TMEM245: variants seen among roughly 807,000 people sequenced by gnomAD.
The protein encoded by TMEM245 is transmembrane protein 245.
A neutral mutation model predicts 101.2 loss-of-function variants in TMEM245; 69 were observed. The ratio of observed to expected loss-of-function variants is 0.68; its 90% confidence interval spans 0.56 to 0.83. The LOEUF (loss-of-function observed/expected upper bound fraction) is 0.83. Among genes scored for constraint, TMEM245 ranks in the 40% least tolerant of loss-of-function variants. The probability of loss-of-function intolerance (pLI) is 0.00; values close to 1 mark genes in which losing one functional copy is unlikely to be tolerated. For synonymous variants in TMEM245, 537 were observed against 449.8 expected, an observed-to-expected ratio of 1.19 and a Z score of -2.45; for missense variants, 1,075 against 1,092.8, an observed-to-expected ratio of 0.98 and a Z score of 0.23.
At chr9:109,102,660 C>G (rs1222890952) in intron 3 of TMEM245, among the ~76,000 whole-genome samples, 1 of 152,206 alleles carries the variant, frequency 6.6e-6, no homozygotes, top group African/African-American at 2.4e-5. Context: ...TATTAGTTAA[C>G]ATTTTGGTAT....
In TMEM245 at chr9:109,019,110, A is replaced by G. The variant is rs528558590; in HGVS notation, c.*1350T>C. The stretch of plus-strand genomic sequence containing the variant: ...AGAGGATAGGCCTGATGATTGTTTT[A>G]AACAGTAGAAAGGGTTCAGCTAAGA... On this transcript the variant is annotated 3_prime_UTR_variant, in exon 18 of 18. Coordinates refer to ENST00000374586, the MANE Select transcript of TMEM245 (RefSeq NM_032012.4). The G allele has an allele frequency of 2.2e-4, 33 of 152,094 alleles. No homozygotes were observed. Among genetic ancestry groups the G allele is most frequent in the African/African-American group, 8.0e-4 (33 of 41,452 alleles). 9.4% of individuals were successfully genotyped at this position (152,094 alleles called of 1,614,324 possible).
chr9:109,078,333 T>C (rs1829575780), intron 8 of TMEM245, among the ~76,000 whole-genome samples: 1 of 152,210 alleles, frequency 6.6e-6, no homozygotes, highest in South Asian at 2.1e-4. Flanking sequence ...ATAACCCACA[T>C]ATTTTCCAAG....
rs1260667371 is a variant in TMEM245, at chr9:109,080,949, C to T, written c.1345-6G>A. ...TTCTCCAACCAGATGATCATCTGCA[C>T]AAAAACGAAAAAGAGAATTACTTAT... is the stretch of plus-strand genomic sequence containing the variant. On this transcript the variant is annotated splice_polypyrimidine_tract_variant and splice_region_variant and intron_variant, in intron 7 of 17. Transcript: ENST00000374586. The T allele has an allele frequency of 1.3e-6, 2 of 1,540,258 alleles. No individual in the cohort carries two copies. The highest frequency in any genetic ancestry group is 1.8e-6 in the Non-Finnish European group (2 of 1,123,052).
intron 9 of TMEM245, among the ~76,000 whole-genome samples, chr9:109,066,479 T>A (rs1322768646): frequency 1.4e-3 from 109 of 78,532 alleles, no homozygotes; most frequent in South Asian, 7.8e-3. Context: ...AAAAAAAAAA[T>A]TTCTCAGCAA....
At chr9:109,021,194 T>C (rs1438299862) in intron 17 of TMEM245, among the ~76,000 whole-genome samples, 1 of 152,194 alleles carries the variant, frequency 6.6e-6, no homozygotes, top group East Asian at 1.9e-4. Flanking sequence ...TGCTACATAA[T>C]TTACATGTCT....
At chr9:109,078,515 ACT>A (rs1425380471) in intron 8 of TMEM245, among the ~76,000 whole-genome samples, 1 of 152,234 alleles carries the variant, frequency 6.6e-6, no homozygotes, top group Non-Finnish European at 1.5e-5. Flanking sequence ...AGTTTCACTG[ACT>A]ATAAAAGTAT....
chr9:109,118,245 GT>G (rs1353469851), intron 1 of TMEM245, among the ~76,000 whole-genome samples: 4 of 152,230 alleles, frequency 2.6e-5, no homozygotes, highest in African/African-American at 9.6e-5. Context: ...GAAGAAGGGT[GT>G]TTTGGGTCAT....
chr9:109,045,060 T>A (rs1045522916), intron 14 of TMEM245, among the ~76,000 whole-genome samples: 1 of 152,202 alleles, frequency 6.6e-6, no homozygotes, highest in Non-Finnish European at 1.5e-5. Context: ...GTACCTGGCC[T>A]CATTTCTTTT....
At chr9:109,083,458 T>C (rs1207321672) in intron 7 of TMEM245, among the ~76,000 whole-genome samples, 1 of 152,202 alleles carries the variant, frequency 6.6e-6, no homozygotes. Context: ...ACTGAGAAGT[T>C]ACTTTAATTT....
intron 17 of TMEM245, among the ~76,000 whole-genome samples, chr9:109,025,936 T>C (rs1827778359): frequency 6.6e-6 from 1 of 152,222 alleles, no homozygotes; most frequent in Non-Finnish European, 1.5e-5. Flanking sequence ...TTAGGGAGAA[T>C]GGGCATTCAT....
intron 17 of TMEM245, among the ~76,000 whole-genome samples, chr9:109,028,183 C>T (rs1157780022): frequency 2.6e-5 from 4 of 151,870 alleles, no homozygotes; most frequent in African/African-American, 9.7e-5. Context: ...GGCACAGTGG[C>T]TCATGCCTGT....
intron 9 of TMEM245, among the ~76,000 whole-genome samples, chr9:109,072,300 G>A (rs995758583): frequency 2.6e-5 from 4 of 152,172 alleles, no homozygotes; most frequent in Admixed American, 1.3e-4. Context: ...TCCTAGTTAA[G>A]CCCGCTCCCA....
At chr9:109,096,104 T>C (rs1250338599) in intron 3 of TMEM245, among the ~76,000 whole-genome samples, 2 of 152,256 alleles carry the variant, frequency 1.3e-5, no homozygotes, top group Admixed American at 6.5e-5. Context: ...TTCCAGACTA[T>C]GGTTAGGTAG....
chr9:109,050,670 A>G lies in TMEM245; in HGVS notation c.1877T>C (p.Val626Ala). Residue 626 changes from valine to alanine, a missense_variant, in exon 13 of 18, where the codon GTT becomes GCT. By Grantham distance (64) the Val-to-Ala change is moderately conservative. This residue lies in a region of TMEM245 where 267 missense variants were observed against 351.3 expected (regional missense o/e 0.76). Transcript: ENST00000374586. ...FLSILESLWI[V>A]MSRNVSLLFT... is the part of the protein sequence containing the mutation. Reference sequence around the variant, plus strand: ...CAGCAGGCTCACATTCCGGCTCATAACGATCCACAGAGACTCCAAGATCTG... The same window carrying G: ...CAGCAGGCTCACATTCCGGCTCATAGCGATCCACAGAGACTCCAAGATCTG... 3 of 1,613,090 alleles carry G rather than the reference A, an allele frequency of 1.9e-6. No homozygotes were observed. Among genetic ancestry groups the G allele is most frequent in the Non-Finnish European group, 2.5e-6 (3 of 1,179,858 alleles).
intron 3 of TMEM245, among the ~76,000 whole-genome samples, chr9:109,103,666 G>C (rs1416241243): frequency 6.6e-6 from 1 of 152,194 alleles, no homozygotes; most frequent in East Asian, 1.9e-4. Context: ...TCACTTATTT[G>C]TGGGATCTAA....
chr9:109,022,553 T>C (rs1827663612), intron 17 of TMEM245, among the ~76,000 whole-genome samples: 1 of 152,132 alleles, frequency 6.6e-6, no homozygotes, highest in African/African-American at 2.4e-5. Context: ...CATTATAAGA[T>C]GTTTTGCAGC....
chr9:109,033,251 G>A (rs946723156), intron 17 of TMEM245, 56 bp downstream of exon 17: 30 of 1,457,706 alleles, frequency 2.1e-5, no homozygotes, highest in Non-Finnish European at 2.6e-5. Flanking sequence ...ATCAAATACA[G>A]AGACAGGACA....
intron 1 of TMEM245, among the ~76,000 whole-genome samples, chr9:109,112,131 A>G (rs1830582429): frequency 6.6e-6 from 1 of 152,228 alleles, no homozygotes; most frequent in Non-Finnish European, 1.5e-5. Flanking sequence ...AATGGTTAAA[A>G]ATGTTTATCA....
chr9:109,106,696 C>A (rs1830433726), intron 2 of TMEM245, 87 bp from the exon 3 acceptor site: 31 of 872,088 alleles, frequency 3.6e-5, no homozygotes, highest in South Asian at 1.2e-4. Flanking sequence ...TTTGACAGAA[C>A]AATCTGGTAT....
Sources: gnomAD v4.1 joint callset for allele counts (sites outside exome capture counted in the v4.1 genomes callset) on GRCh38, gnomAD v4.1.1 for gene constraint, gnomAD v4.1.1 regional missense constraint, MANE v1.5 for transcripts, NCBI Gene and HGNC (gene_info 2026-07-23, HGNC 2026-07-21) for gene names.